The following DHX38 variants were observed in gnomAD, a reference collection of about 807,000 sequenced individuals.
DHX38 encodes pre-mRNA-splicing factor ATP-dependent RNA helicase PRP16.
In DHX38, 100 loss-of-function variants were observed where a neutral mutation model predicts 153.1. The observed-to-expected ratio is 0.65, with a 90% confidence interval of 0.56 to 0.77. DHX38 has a LOEUF of 0.77. DHX38 is among the 30% of genes least tolerant of loss of function. The probability of loss-of-function intolerance (pLI) is 0.00; values close to 1 mark genes in which losing one functional copy is unlikely to be tolerated. For missense variants in DHX38, 1,440 were observed against 1,654.0 expected, an observed-to-expected ratio of 0.87 and a Z score of 2.24; for synonymous variants, 650 against 631.7, an observed-to-expected ratio of 1.03 and a Z score of -0.43.
At position 72,112,592 on chromosome 16, in the gene DHX38, G is replaced by C; in HGVS notation, c.*95G>C. ...CTGCGGACAAAGCCCTTTCATCTGA[G>C]GACTTTCATCTGTGCATATCACGGC... On this transcript the variant is annotated 3_prime_UTR_variant, in exon 27 of 27. Transcript: ENST00000268482. 1.5e-6 allele frequency: 2 copies of C among 1,365,268 alleles called. No homozygotes were observed. Among genetic ancestry groups the C allele is most frequent in the Non-Finnish European group, 2.1e-6 (2 of 972,114 alleles). The allele number at this position is 1,365,268 out of a possible 1,614,324, so 84.6% of individuals were successfully genotyped here.
At chr16:72,110,275 T>G (rs9302635) in intron 25 of DHX38, among the ~76,000 whole-genome samples, 5 of 152,160 alleles carry the variant, frequency 3.3e-5, no homozygotes, top group African/African-American at 1.2e-4. Flanking sequence ...GTGCACTTGC[T>G]GTAAGCTGGC....
At chr16:72,108,069 T>C (rs2042204389) in intron 21 of DHX38, among the ~76,000 whole-genome samples, 158 bp from the exon 22 acceptor site, 1 of 152,210 alleles carries the variant, frequency 6.6e-6, no homozygotes, top group Non-Finnish European at 1.5e-5. Flanking sequence ...GTAGACCTTT[T>C]TAAAAATTAT....
At chr16:72,099,311 G>A (rs1249825084) in intron 7 of DHX38, 31 bp downstream of exon 7, 8 of 1,565,690 alleles carry the variant, frequency 5.1e-6, no homozygotes, top group African/African-American at 2.7e-5. Context: ...GGGGCTGATC[G>A]GGGCTGGTGG....
At position 72,107,302 on chromosome 16, in the gene DHX38, T is replaced by G. The variant is rs749024175; in HGVS notation, c.2601-38T>G. ...TCATCTGTACTGGCTGCTGTGGGGT[T>G]TCCTTGTGGTGAGAAGATGGGGTCT... is the stretch of plus-strand genomic sequence containing the variant. On this transcript the variant is annotated intron_variant, in intron 19 of 26. Transcript: ENST00000268482. This position sits in a 1 kb window ranked among gnomAD's most constrained non-coding sequence, Gnocchi z 5.3. 6.3e-7 allele frequency: 1 copy of G among 1,577,970 alleles called. No homozygotes were observed. The highest frequency in any genetic ancestry group is 1.7e-5 in the Admixed American group (1 of 58,160).
chr16:72,099,087 G>T, intron 6 of DHX38, 42 bp downstream of exon 6: 1 of 1,609,638 alleles, frequency 6.2e-7, no homozygotes, highest in Non-Finnish European at 8.5e-7. Context: ...AGGCTTGCTT[G>T]CCCTAGCGAG....
At chr16:72,097,642 A>G in intron 3 of DHX38, 35 bp from the exon 4 acceptor site, 1 of 1,596,674 alleles carries the variant, frequency 6.3e-7, no homozygotes, top group Non-Finnish European at 8.6e-7. Context: ...TTAGGATGGG[A>G]TGCATGTTTT....
rs759002603 is a variant in DHX38 at position 72,103,799 on chromosome 16, G to T, written c.1824+11G>T. On this transcript the variant is annotated intron_variant, in intron 13 of 26. Coordinates refer to ENST00000268482, the MANE Select transcript of DHX38 (RefSeq NM_014003.4). ...AACCTTGGCGAGGAGGTGAGTGGGCGTGGGGGCTGAGCCATGTAGTTATTC... is the reference window on the plus strand; with the variant it reads ...AACCTTGGCGAGGAGGTGAGTGGGCTTGGGGGCTGAGCCATGTAGTTATTC... 1.9e-6 allele frequency: 3 copies of T among 1,607,788 alleles called. No individual in the cohort carries two copies. The South Asian group carries it at 3.3e-5, about 18-fold the overall frequency.
rs1292192339 is a variant in DHX38 at position 72,104,891 on chromosome 16, G to GC, written c.2152-133dup. 15 of 904,232 alleles carry GC rather than the reference G, an allele frequency of 1.7e-5. No homozygotes were observed. The African/African-American group carries it at 1.7e-4, about 10-fold the overall frequency. 56.0% of individuals were successfully genotyped at this position (904,232 alleles called of 1,614,324 possible). A position where few individuals can be genotyped will look rare whatever the true frequency, so the allele number is the denominator to read the frequency against. On this transcript the variant is annotated intron_variant, in intron 15 of 26. Transcript: ENST00000268482. The surrounding 1 kb of genome is among the most constrained non-coding windows in gnomAD (Gnocchi z 4.5). ...CCTCTTGTAGAGGCCTCGCAGTCAG[G>GC]CCCATGTGGAGGTGTGGTGGCCCTC... is the stretch of plus-strand genomic sequence containing the variant.
chr16:72,103,042 T>C (rs1295627368), intron 11 of DHX38, 32 bp from the exon 12 acceptor site: 2 of 1,611,610 alleles, frequency 1.2e-6, no homozygotes, highest in South Asian at 1.1e-5. Context: ...TGGGGCACCA[T>C]GCAGGGTGTT....
intron 12 of DHX38, 22 bp from the exon 13 acceptor site, chr16:72,103,580 C>T: frequency 6.3e-7 from 1 of 1,594,200 alleles, no homozygotes; most frequent in South Asian, 1.1e-5. Flanking sequence ...CTGATAAGCC[C>T]TTTGCCTGCT....
chr16:72,105,043 A>G lies in DHX38; in HGVS notation c.2168A>G (p.Tyr723Cys), dbSNP rs1567608840. ...ILFSKTPQED[Y>C]VEAAVKQSLQ... Reference sequence around the variant, plus strand: ...CTGTTGCAGACCCCACAGGAGGATTACGTGGAGGCTGCAGTGAAGCAGTCC... The same window carrying G: ...CTGTTGCAGACCCCACAGGAGGATTGCGTGGAGGCTGCAGTGAAGCAGTCC... The change falls in exon 16 of 27, where the codon TAC becomes TGC. Residue 723 changes from tyrosine (Y) to cysteine (C), a missense_variant. Physicochemically the swap from Tyr to Cys is radical, Grantham distance 194. Around this residue, in one of 6 missense-constraint regions of DHX38, gnomAD observed 543 missense variants for 717.9 expected, o/e 0.76. Transcript: ENST00000268482. The G allele has an allele frequency of 1.3e-5, 21 of 1,614,118 alleles. No homozygotes were observed. The highest frequency in any genetic ancestry group is 1.8e-5 in the Non-Finnish European group (21 of 1,180,008).
rs928669195 is a variant in DHX38 at position 72,105,140 on chromosome 16, G to C, written c.2262+3G>C. The C allele has an allele frequency of 8.1e-6, 13 of 1,614,104 alleles. No homozygotes were observed. The highest frequency in any genetic ancestry group is 2.7e-5 in the African/African-American group (2 of 74,938). On this transcript the variant is annotated splice_donor_region_variant and intron_variant, in intron 16 of 26. Coordinates refer to ENST00000268482, the MANE Select transcript of DHX38 (RefSeq NM_014003.4). ...TGCCTGGCCAAGAGGACATTGAGGT[G>C]CGTGCCTTGGTCACGACTGTGATGA...
rs755171444 is a variant in DHX38, at chr16:72,109,469, C to A, written c.3436C>A (p.Pro1146Thr). ...VDGEWLAELG[P>T]MFYSVKQAGK... ...CGGGGAGTGGCTGGCGGAGCTGGGC[C>A]CCATGTTCTATAGCGTGAAACAGGC... is the stretch of plus-strand genomic sequence containing the variant. The change falls in exon 25 of 27, where the codon CCC becomes ACC. Residue 1146 changes from proline to threonine, a missense_variant. By Grantham distance (38) the Pro-to-Thr change is conservative (BLOSUM62 -1). This residue lies in a region of DHX38 where 543 missense variants were observed against 717.9 expected (regional missense o/e 0.76). Transcript: ENST00000268482. The A allele has an allele frequency of 6.2e-7, 1 of 1,612,928 alleles. No homozygotes were observed. Among genetic ancestry groups the A allele is most frequent in the Non-Finnish European group, 8.5e-7 (1 of 1,179,662 alleles).
rs2041967242 is a variant in DHX38, at chr16:72,094,054, G to A, written c.-20+3G>A. ...TCCCAAGAGTCGCGCTTGGTGAGGT[G>A]AGAGTCCCTTCTTCCTTCCTGGCCT... On this transcript the variant is annotated splice_donor_region_variant and intron_variant, in intron 1 of 26. Coordinates refer to ENST00000268482, the MANE Select transcript of DHX38 (RefSeq NM_014003.4). 1 of 152,374 alleles carries A rather than the reference G, an allele frequency of 6.6e-6. No individual in the cohort carries two copies. Among genetic ancestry groups the A allele is most frequent in the East Asian group, 1.9e-4 (1 of 5,184 alleles). The allele number at this position is 152,374 out of a possible 1,614,324, so 9.4% of individuals were successfully genotyped here. A position where few individuals can be genotyped will look rare whatever the true frequency, so the allele number is the denominator to read the frequency against.
rs969820848 is a variant in DHX38 at position 72,099,665 on chromosome 16, G to A, written c.961-67G>A. The A allele has an allele frequency of 1.6e-5, 25 of 1,589,234 alleles. No homozygotes were observed. The African/African-American group carries it at 2.8e-4, about 18-fold the overall frequency. On this transcript the variant is annotated intron_variant, in intron 7 of 26. Transcript: ENST00000268482. ...CTTCCTACCAAGCGTCCCTTCTTCTGTTGGCCATGTCTCGTGCATAAACTT... is the reference window on the plus strand; with the variant it reads ...CTTCCTACCAAGCGTCCCTTCTTCTATTGGCCATGTCTCGTGCATAAACTT...
rs1439515505 is a variant in DHX38 at position 72,097,015 on chromosome 16, C to G, written c.511+6C>G. 6.8e-6 allele frequency: 11 copies of G among 1,609,020 alleles called. No individual in the cohort carries two copies. Among genetic ancestry groups the G allele is most frequent in the Non-Finnish European group, 9.3e-6 (11 of 1,176,658 alleles). Reference sequence around the variant, plus strand: ...TGACCGCAAGAGGGACAGAGGTAAACTGTCCAGCACAGTTCCTATTGTCCA... The same window carrying G: ...TGACCGCAAGAGGGACAGAGGTAAAGTGTCCAGCACAGTTCCTATTGTCCA... On this transcript the variant is annotated splice_donor_region_variant and intron_variant, in intron 3 of 26. Transcript: ENST00000268482.
Position 72,096,226 on chromosome 16 carries a change from T to C in DHX38, c.69T>C (p.Gly23=), listed in dbSNP as rs11554764. 0.05 allele frequency: 80,104 copies of C among 1,614,078 alleles called. 2,207 individuals are homozygous for C. Among genetic ancestry groups the C allele is most frequent in the Non-Finnish European group, 0.055 (64,342 of 1,179,978 alleles). ...LEGTDLDCQV[G]GLICKSKSAA... The stretch of plus-strand genomic sequence containing the variant: ...GCACTGATCTGGACTGTCAGGTTGG[T>C]GGTCTTATTTGCAAGTCCAAAAGTG... The change falls in exon 2 of 27, where the codon GGT becomes GGC. Residue 23 remains glycine (G), a synonymous_variant. Transcript: ENST00000268482.
In DHX38 at chr16:72,108,819, A is replaced by G. The variant is rs1172986698; in HGVS notation, c.3275A>G (p.Asn1092Ser). The G allele has an allele frequency of 1.2e-6, 2 of 1,613,792 alleles. No individual in the cohort carries two copies. The highest frequency in any genetic ancestry group is 1.7e-6 in the Non-Finnish European group (2 of 1,179,926). Residue 1092 changes from asparagine (N) to serine (S), a missense_variant, in exon 24 of 27, where the codon AAC becomes AGC. Asn to Ser is a conservative substitution (Grantham distance 46). Transcript: ENST00000268482. ...AKLKGIGEYVNIRTGMPCHLH... is the reference protein window; with the variant it reads ...AKLKGIGEYVSIRTGMPCHLH... ...CCCTAGGGAATCGGGGAGTACGTGA[A>G]CATCCGCACAGGGATGCCCTGCCAC...
At chr16:72,108,180 C>T in intron 21 of DHX38, 47 bp from the exon 22 acceptor site, 1 of 1,603,308 alleles carries the variant, frequency 6.2e-7, no homozygotes, top group Non-Finnish European at 8.5e-7. Context: ...GCTCAGTGGG[C>T]CTGGACCCCC....
Sources: allele counts gnomAD v4.1 joint callset (sites outside exome capture counted in the v4.1 genomes callset), GRCh38; gene constraint gnomAD v4.1.1; regional missense constraint gnomAD v4.1.1; non-coding constraint Gnocchi (gnomAD v3.1); transcripts MANE v1.5; gene names NCBI Gene and HGNC (gene_info 2026-07-23, HGNC 2026-07-21).